LAMB4: variants seen among roughly 807,000 people sequenced by gnomAD.
LAMB4 encodes the protein laminin subunit beta-4.
Under a neutral mutation model 199.2 loss-of-function variants are expected in LAMB4, and 196 were observed. The observed-to-expected ratio is 0.98, with a 90% CI of 0.88 to 1.11. The LOEUF (loss-of-function observed/expected upper bound fraction) is 1.11, where lower values mean the gene tolerates loss of function less well. LAMB4 is among the 50% of genes least tolerant of loss of function. The pLI is 0.00. For missense variants in LAMB4, 2,080 were observed against 2,171.2 expected (o/e 0.96, Z 0.83); for synonymous variants, 744 against 770.6 (o/e 0.97, Z 0.57).
At position 108,106,576 on chromosome 7, in the gene LAMB4, TA is replaced by T; in HGVS notation, c.592-5del. 2.0e-6 allele frequency: 3 copies of T among 1,471,576 alleles called. No homozygotes were observed. Among genetic ancestry groups the T allele is most frequent in the Non-Finnish European group, 2.8e-6 (3 of 1,054,138 alleles). 91.2% of individuals were successfully genotyped at this position (1,471,576 alleles called of 1,614,324 possible). Reference sequence around the variant, plus strand: ...GATCCAAAACTTTTAAAACAACCTGTAAAACAAATATAGATACATTTATAGT... The same window carrying T: ...GATCCAAAACTTTTAAAACAACCTGTAAACAAATATAGATACATTTATAGT... On this transcript the variant is annotated splice_region_variant and splice_polypyrimidine_tract_variant and intron_variant, in intron 6 of 33. Coordinates refer to ENST00000388781, the MANE Select transcript of LAMB4 (RefSeq NM_007356.3).
At chr7:108,043,217 A>C (rs972674556) in intron 29 of LAMB4, among the ~76,000 whole-genome samples, 2 of 152,120 alleles carry the variant, frequency 1.3e-5, no homozygotes, top group Non-Finnish European at 2.9e-5. Context: ...TATCTAATTA[A>C]AATTCAGCAT....
intron 28 of LAMB4, among the ~76,000 whole-genome samples, chr7:108,047,252 A>G (rs1391433455): frequency 1.3e-5 from 2 of 152,060 alleles, no homozygotes; most frequent in African/African-American, 4.8e-5. Flanking sequence ...GCCCACTTAT[A>G]TACAAATTTT....
At chr7:108,123,367 A>G (rs1360135536) in intron 1 of LAMB4, among the ~76,000 whole-genome samples, 170 bp from the exon 2 acceptor site, 1 of 152,246 alleles carries the variant, frequency 6.6e-6, no homozygotes, top group East Asian at 1.9e-4. Context: ...ATTTTAACAA[A>G]TATTTGTTTG....
intron 33 of LAMB4, among the ~76,000 whole-genome samples, chr7:108,026,091 A>G (rs1200107668): frequency 6.6e-6 from 1 of 152,124 alleles, no homozygotes; most frequent in African/African-American, 2.4e-5. Context: ...TGGTGTTCAC[A>G]GGGCTCTGGT....
chr7:108,028,989 T>C, intron 33 of LAMB4, 54 bp downstream of exon 33: 2 of 1,497,162 alleles, frequency 1.3e-6, no homozygotes, highest in South Asian at 1.2e-5. Context: ...ACTAGTAAGG[T>C]AGAGTACCAT....
chr7:108,113,605 T>A (rs972709260), intron 3 of LAMB4, among the ~76,000 whole-genome samples: 5 of 152,238 alleles, frequency 3.3e-5, no homozygotes, highest in African/African-American at 1.2e-4. Context: ...AAAGTGATGG[T>A]CTTCAAATAA....
chr7:108,098,320 G>A (rs940268386), intron 11 of LAMB4, 83 bp downstream of exon 11: 21 of 589,092 alleles, frequency 3.6e-5, no homozygotes, highest in Non-Finnish European at 4.6e-5. Context: ...GCGACAGAGC[G>A]AGACTCCATC....
chr7:108,069,727 C>T lies in LAMB4; in HGVS notation c.2283G>A (p.Lys761=), dbSNP rs1270478349. The T allele has an allele frequency of 6.2e-7, 1 of 1,613,786 alleles. No individual in the cohort carries two copies. Among genetic ancestry groups the T allele is most frequent in the Admixed American group, 1.7e-5 (1 of 60,012 alleles). ...CERLIISMSA[K]LHDGAVACKC... ...ACTTACCCACAGCCCCATCATGCAG[C>T]TTGGCAGACATGCTGATGATCAGCC... is the stretch of plus-strand genomic sequence containing the variant. Residue 761 remains lysine, a synonymous_variant, in exon 18 of 34, where the codon AAG becomes AAA. Coordinates refer to ENST00000388781, the MANE Select transcript of LAMB4 (RefSeq NM_007356.3).
intron 14 of LAMB4, among the ~76,000 whole-genome samples, chr7:108,086,864 A>G (rs1218676549): frequency 6.6e-6 from 1 of 152,166 alleles, no homozygotes; most frequent in Non-Finnish European, 1.5e-5. Context: ...GGTATCTCCC[A>G]AGGGTCAAAT....
At chr7:108,102,249 C>G (rs1230552922) in intron 10 of LAMB4, among the ~76,000 whole-genome samples, 2 of 152,172 alleles carry the variant, frequency 1.3e-5, no homozygotes, top group Non-Finnish European at 1.5e-5. Flanking sequence ...AGAACTAAGA[C>G]TACCTGATAT....
intron 4 of LAMB4, among the ~76,000 whole-genome samples, chr7:108,111,070 T>C (rs2150670861): frequency 6.6e-6 from 1 of 152,278 alleles, no homozygotes; most frequent in Non-Finnish European, 1.5e-5. Flanking sequence ...TTGTGGGGGT[T>C]AAGGAAAACT....
chr7:108,121,638 T>G (rs1224306630), intron 2 of LAMB4, among the ~76,000 whole-genome samples: 1 of 151,806 alleles, frequency 6.6e-6, no homozygotes, highest in Non-Finnish European at 1.5e-5. Context: ...TAATCCCAGC[T>G]ACTCGGGAGG....
intron 3 of LAMB4, among the ~76,000 whole-genome samples, chr7:108,115,613 C>T (rs753634702): frequency 3.3e-5 from 5 of 151,876 alleles, no homozygotes; most frequent in Non-Finnish European, 7.4e-5. Context: ...GACCCCTGTC[C>T]CTAATGAAAT....
intron 1 of LAMB4, among the ~76,000 whole-genome samples, chr7:108,125,839 A>C (rs565165394): frequency 6.6e-6 from 1 of 152,304 alleles, no homozygotes; most frequent in Non-Finnish European, 1.5e-5. Context: ...ATCACAGTTC[A>C]CCACATTTCT....
intron 11 of LAMB4, among the ~76,000 whole-genome samples, chr7:108,095,804 C>G (rs2037574257): frequency 6.6e-6 from 1 of 152,170 alleles, no homozygotes; most frequent in Non-Finnish European, 1.5e-5. Context: ...TACCCGTAGA[C>G]ATTTCTGAGC....
chr7:108,118,442 A>G (rs2038484732), intron 2 of LAMB4, among the ~76,000 whole-genome samples: 1 of 152,162 alleles, frequency 6.6e-6, no homozygotes, highest in Non-Finnish European at 1.5e-5. Context: ...ACCTAGATCA[A>G]TGGAACAGAA....
chr7:108,067,312 T>C (rs924722956), intron 19 of LAMB4, among the ~76,000 whole-genome samples: 3 of 152,266 alleles, frequency 2.0e-5, no homozygotes, highest in Admixed American at 1.3e-4. Flanking sequence ...TGGATTATGA[T>C]TGAAAAGATA....
In LAMB4 at chr7:108,065,846, A is replaced by T. The variant is rs189962260; in HGVS notation, c.2752T>A (p.Ser918Thr). The part of the protein sequence containing the change: ...CRPCLCPDDP[S>T]SNQYFAHSCY... ...GAATGGGCAAAATACTGATTGCTTG[A>T]GGGATCATCTGGACACAGGCAAGGA... The change falls in exon 21 of 34, where the codon TCA becomes ACA. Residue 918 changes from serine (S) to threonine (T), a missense_variant. Transcript: ENST00000388781. 6.2e-7 allele frequency: 1 copy of T among 1,614,120 alleles called. No individual in the cohort carries two copies. The highest frequency in any genetic ancestry group is 1.3e-5 in the African/African-American group (1 of 75,064).
At position 108,055,620 on chromosome 7, in the gene LAMB4, C is replaced by T. The variant is rs534236757; in HGVS notation, c.3755+12G>A. On this transcript the variant is annotated intron_variant, in intron 25 of 33. Coordinates refer to ENST00000388781, the MANE Select transcript of LAMB4 (RefSeq NM_007356.3). ...GGAGTTTGGCTGTCTGTTACTTGAG[C>T]ATAAATCTTACCTAACAGAGTCATG... 2 of 1,604,768 alleles carry T rather than the reference C, an allele frequency of 1.2e-6. No homozygotes were observed. The highest frequency in any genetic ancestry group is 2.2e-5 in the South Asian group (2 of 88,918).
Sources: allele counts gnomAD v4.1 joint callset (sites outside exome capture counted in the v4.1 genomes callset), GRCh38; gene constraint gnomAD v4.1.1; transcripts MANE v1.5; gene names NCBI Gene and HGNC (gene_info 2026-07-23, HGNC 2026-07-21).